Variants in MYBL1 observed in about 807,000 individuals in gnomAD.
MYBL1 encodes the protein MYB proto-oncogene like 1.
MYBL1 carries 17 observed loss-of-function variants against 96.3 expected under a neutral mutation model. The observed-to-expected ratio is 0.18, with a 90% confidence interval of 0.12 to 0.26. MYBL1 has a LOEUF of 0.26. Ranked by LOEUF, MYBL1 falls within the 10% of genes least tolerant of loss-of-function variation. The probability of loss-of-function intolerance (pLI) is 1.00; values close to 1 mark genes in which losing one functional copy is unlikely to be tolerated. For synonymous variants in MYBL1, 282 were observed against 292.7 expected (o/e 0.96, Z 0.37); for missense variants, 701 against 882.9 (o/e 0.79, Z 2.61).
intron 11 of MYBL1, among the ~76,000 whole-genome samples, chr8:66,573,060 C>A (rs138745226): frequency 0.011 from 1,597 of 152,032 alleles, 14 homozygotes; most frequent in Non-Finnish European, 0.016. Flanking sequence ...ACTACATACA[C>A]AATATTAACC....
At chr8:66,590,679 T>C (rs1809603798) in intron 8 of MYBL1, among the ~76,000 whole-genome samples, 1 of 151,350 alleles carries the variant, frequency 6.6e-6, no homozygotes, top group Non-Finnish European at 1.5e-5. Flanking sequence ...TGAGACTCTG[T>C]CTCAAAAAAA....
chr8:66,580,106 T>C (rs11993306), intron 9 of MYBL1, 27 bp downstream of exon 9: 52,967 of 1,513,186 alleles, frequency 0.035, 2,393 homozygotes, highest in African/African-American at 0.2. Context: ...AATTGAACTT[T>C]TGATAATCTT....
chr8:66,599,028 A>G, intron 4 of MYBL1, 22 bp downstream of exon 4: 4 of 1,465,820 alleles, frequency 2.7e-6, no homozygotes, highest in Non-Finnish European at 3.7e-6. Context: ...CATAGTGAAT[A>G]TAAAGAATAT....
chr8:66,568,058 A>C (rs1369922351), intron 12 of MYBL1, among the ~76,000 whole-genome samples: 1 of 151,842 alleles, frequency 6.6e-6, no homozygotes, highest in Admixed American at 6.6e-5. Context: ...AAAAAAAAAA[A>C]AAAACAACAA....
At chr8:66,607,129 CA>C (rs1226149503) in intron 1 of MYBL1, among the ~76,000 whole-genome samples, 4,576 of 124,948 alleles carry the variant, frequency 0.037, 205 homozygotes, top group African/African-American at 0.11. Context: ...GTTAAAACAA[CA>C]AAAAAAAAAA....
In MYBL1 at chr8:66,580,322, A is replaced by T; in HGVS notation, c.912T>A (p.Asp304Glu). The change falls in exon 9 of 16, where the codon GAT (aspartate) becomes GAA (glutamate). Residue 304 changes from aspartate (D) to glutamate (E), a missense_variant. Around this residue, in one of 5 missense-constraint regions of MYBL1, gnomAD observed 396 missense variants for 407.4 expected, o/e 0.97. Coordinates refer to ENST00000522677, the MANE Select transcript of MYBL1 (RefSeq NM_001080416.4). ...FSSWSGSFLMDDNMSNTLNSL... is the reference protein window; with the variant it reads ...FSSWSGSFLMEDNMSNTLNSL... The stretch of plus-strand genomic sequence containing the variant: ...TATTTAGAGTATTAGACATGTTATC[A>T]TCCATGAGGAAACTACCAGACCAGC... 6.2e-7 allele frequency: 1 copy of T among 1,612,908 alleles called. No homozygotes were observed. The highest frequency in any genetic ancestry group is 8.5e-7 in the Non-Finnish European group (1 of 1,178,990).
chr8:66,591,053 T>C (rs1334832546), intron 8 of MYBL1, among the ~76,000 whole-genome samples: 1 of 152,164 alleles, frequency 6.6e-6, no homozygotes, highest in East Asian at 1.9e-4. Flanking sequence ...TTTCCCAATT[T>C]AAAAATTTTA....
intron 1 of MYBL1, 31 bp from the exon 2 acceptor site, chr8:66,602,554 G>T (rs753780712): frequency 1.3e-6 from 2 of 1,493,380 alleles, no homozygotes; most frequent in Non-Finnish European, 1.8e-6. Flanking sequence ...GTGATATCAA[G>T]AATTTTATTT....
chr8:66,587,284 A>T (rs1464620378), intron 8 of MYBL1, among the ~76,000 whole-genome samples: 1 of 152,230 alleles, frequency 6.6e-6, no homozygotes, highest in African/African-American at 2.4e-5. Flanking sequence ...TGACCAAGAC[A>T]CATTGCATAC....
intron 8 of MYBL1, among the ~76,000 whole-genome samples, chr8:66,587,994 C>G (rs1284259496): frequency 6.6e-6 from 1 of 152,048 alleles, no homozygotes; most frequent in Non-Finnish European, 1.5e-5. Context: ...AACACTGTTG[C>G]AAAGCAAATT....
At chr8:66,569,211 G>T (rs1808632157) in intron 12 of MYBL1, among the ~76,000 whole-genome samples, 1 of 151,852 alleles carries the variant, frequency 6.6e-6, no homozygotes, top group Non-Finnish European at 1.5e-5. Context: ...GCAGTATTTG[G>T]TTTTCTGTTT....
intron 8 of MYBL1, among the ~76,000 whole-genome samples, chr8:66,581,162 A>G (rs1218228171): frequency 6.6e-6 from 1 of 152,184 alleles, no homozygotes; most frequent in Non-Finnish European, 1.5e-5. Flanking sequence ...AATACTGGAA[A>G]GTACTTCATC....
At chr8:66,610,237 G>GC (rs1482430763) in intron 1 of MYBL1, among the ~76,000 whole-genome samples, 1 of 151,874 alleles carries the variant, frequency 6.6e-6, no homozygotes, top group Non-Finnish European at 1.5e-5. Flanking sequence ...AATTGTCATC[G>GC]CAATTCCCAG....
intron 14 of MYBL1, among the ~76,000 whole-genome samples, 156 bp from the exon 15 acceptor site, chr8:66,566,399 G>A (rs1478580863): frequency 6.6e-6 from 1 of 151,976 alleles, no homozygotes; most frequent in African/African-American, 2.4e-5. Flanking sequence ...TATTATTTTG[G>A]AAATGAACCA....
chr8:66,604,781 T>C (rs1384015842), intron 1 of MYBL1, among the ~76,000 whole-genome samples: 1 of 152,134 alleles, frequency 6.6e-6, no homozygotes. Context: ...TTGCAACTGA[T>C]AGATGAGGGA....
At chr8:66,588,278 T>C (rs1039202428) in intron 8 of MYBL1, among the ~76,000 whole-genome samples, 5 of 115,426 alleles carry the variant, frequency 4.3e-5, no homozygotes, top group Non-Finnish European at 7.6e-5. Flanking sequence ...TGTGAATCTC[T>C]TTTTTTTTTT....
At chr8:66,570,747 T>C (rs1044390423) in intron 12 of MYBL1, among the ~76,000 whole-genome samples, 1 of 152,218 alleles carries the variant, frequency 6.6e-6, no homozygotes, top group Non-Finnish European at 1.5e-5. Flanking sequence ...GGTAATTCCA[T>C]ACAATGGAAT....
chr8:66,581,292 A>G (rs1288842571), intron 8 of MYBL1, among the ~76,000 whole-genome samples: 1 of 152,178 alleles, frequency 6.6e-6, no homozygotes, highest in Admixed American at 6.5e-5. Flanking sequence ...CCCTTCCCTG[A>G]TGACAACAAT....
chr8:66,585,400 T>C (rs1410357770), intron 8 of MYBL1, among the ~76,000 whole-genome samples: 1 of 152,148 alleles, frequency 6.6e-6, no homozygotes, highest in Admixed American at 6.5e-5. Context: ...CAATTCAAAA[T>C]GGATGAAAGA....
Sources: allele counts gnomAD v4.1 joint callset (sites outside exome capture counted in the v4.1 genomes callset), GRCh38; gene constraint gnomAD v4.1.1; regional missense constraint gnomAD v4.1.1; transcripts MANE v1.5; gene names NCBI Gene and HGNC (gene_info 2026-07-23, HGNC 2026-07-21).